CPNE1: variants seen among roughly 807,000 people sequenced by gnomAD.
CPNE1 encodes the protein copine-1.
A neutral mutation model predicts 63.2 loss-of-function variants in CPNE1; 58 were observed. The observed-to-expected ratio is 0.92, with a 90% CI of 0.74 to 1.14. The LOEUF (loss-of-function observed/expected upper bound fraction) is 1.14, where lower values mean the gene tolerates loss of function less well. Among genes scored for constraint, CPNE1 ranks in the 50% most tolerant of loss-of-function variants. The pLI is 0.00. For synonymous variants in CPNE1, 237 were observed against 249.0 expected, an observed-to-expected ratio of 0.95 and a Z score of 0.45; for missense variants, 672 against 661.7, an observed-to-expected ratio of 1.02 and a Z score of -0.17.
intron 1 of CPNE1, among the ~76,000 whole-genome samples, chr20:35,640,199 GGATT>G (rs2032727706): frequency 6.6e-6 from 1 of 151,974 alleles, no homozygotes. Context: ...ATAAACCACG[GGATT>G]ATTAATCTCT....
chr20:35,637,580 C>A (rs1204393390), intron 1 of CPNE1, among the ~76,000 whole-genome samples: 2 of 148,446 alleles, frequency 1.3e-5, no homozygotes, highest in African/African-American at 5.0e-5. Flanking sequence ...CCTTTATGAA[C>A]CCTTGCCTGT....
Position 35,627,336 on chromosome 20 carries a change from TGG to T in CPNE1, c.1178_1179del (p.Pro393HisfsTer29). The T allele has an allele frequency of 6.2e-7, 1 of 1,613,876 alleles. No individual in the cohort carries two copies. Among genetic ancestry groups the T allele is most frequent in the South Asian group, 1.1e-5 (1 of 91,070 alleles). On this transcript the variant is annotated frameshift_variant, in exon 14 of 16. Transcript: ENST00000397443. LOFTEE classifies it high-confidence loss of function. ...GCAAACCTGGCCACATGGTTGATGA[TGG>T]GTGCAAAGTTGGTAGGGCCATAGAG... ...VRLYGPTNFA[P>X]IINHVARFAA...
chr20:35,634,660 A>T (rs1219965918), intron 1 of CPNE1, among the ~76,000 whole-genome samples: 1 of 152,172 alleles, frequency 6.6e-6, no homozygotes, highest in Non-Finnish European at 1.5e-5. Context: ...GAAGGTCCAG[A>T]TTTCTTTAAC....
chr20:35,654,387 G>C (rs2033756670), intron 1 of CPNE1: 2 of 1,614,034 alleles, frequency 1.2e-6, no homozygotes, highest in Non-Finnish European at 1.7e-6. Flanking sequence ...TTGCAGAAAA[G>C]GGCATTCCAT....
chr20:35,643,173 ACCCCATTGATC>A (rs2032908470), intron 1 of CPNE1: 1 of 160,046 alleles, frequency 6.2e-6, no homozygotes, highest in African/African-American at 2.4e-5. Context: ...GACATCTGTC[ACCCCATTGATC>A]ACCAGGGTTG....
intron 1 of CPNE1, among the ~76,000 whole-genome samples, chr20:35,641,150 A>T (rs3787166): frequency 0.21 from 32,609 of 152,182 alleles, 3,638 homozygotes; most frequent in South Asian, 0.34. Flanking sequence ...CTTAAAATTC[A>T]CAAAATGTCA....
At position 35,631,286 on chromosome 20, in the gene CPNE1, G is replaced by T; in HGVS notation, c.783C>A (p.Ile261=). 2 of 1,614,180 alleles carry T rather than the reference G, an allele frequency of 1.2e-6. No individual in the cohort carries two copies. Among genetic ancestry groups the T allele is most frequent in the Non-Finnish European group, 1.7e-6 (2 of 1,180,020 alleles). The change falls in exon 9 of 16, where the codon ATC becomes ATA. Residue 261 remains isoleucine, a synonymous_variant. Coordinates refer to ENST00000397443, the MANE Select transcript of CPNE1 (RefSeq NM_152925.3). ...KKKSYKNSGT[I]RVKICRVETE... is the part of the protein sequence containing the mutation. ...GTCTCACCCGACAAATCTTGACACGGATAGTTCCAGAGTTCTTGTAGCTTT... is the reference window on the plus strand; with the variant it reads ...GTCTCACCCGACAAATCTTGACACGTATAGTTCCAGAGTTCTTGTAGCTTT...
chr20:35,654,853 G>A (rs1369598625), intron 1 of CPNE1: 8 of 1,614,080 alleles, frequency 5.0e-6, no homozygotes, highest in African/African-American at 1.3e-5. Flanking sequence ...TGGAGGAGCT[G>A]TTCCTACGCT....
chr20:35,657,706 C>T (rs2033980487), intron 1 of CPNE1, among the ~76,000 whole-genome samples: 1 of 152,172 alleles, frequency 6.6e-6, no homozygotes, highest in African/African-American at 2.4e-5. Context: ...AAGTGGAATA[C>T]AAGATTTATT....
chr20:35,663,859 A>C (rs1298127430), intron 1 of CPNE1, among the ~76,000 whole-genome samples: 1 of 152,132 alleles, frequency 6.6e-6, no homozygotes, highest in East Asian at 1.9e-4. Context: ...GTGGCTGCAA[A>C]CTAATGCAGC....
In CPNE1 at chr20:35,630,949, T is replaced by A. The variant is rs759461711; in HGVS notation, c.947A>T (p.Tyr316Phe). The A allele has an allele frequency of 6.2e-7, 1 of 1,613,774 alleles. No individual in the cohort carries two copies. The highest frequency in any genetic ancestry group is 1.1e-5 in the South Asian group (1 of 91,062). ...GCCCACACTCCACAGTGCCATCAGG[T>A]ACTCATTGACCCCTGTTGGACTCAG... The part of the protein sequence containing the change: ...HYLSPTGVNE[Y>F]LMALWSVGSV... The change falls in exon 11 of 16, where the codon TAC (tyrosine) becomes TTC (phenylalanine). Residue 316 changes from tyrosine (Y) to phenylalanine (F), a missense_variant. Coordinates refer to ENST00000397443, the MANE Select transcript of CPNE1 (RefSeq NM_152925.3).
intron 1 of CPNE1, chr20:35,653,292 C>A (rs2033665124): frequency 3.7e-6 from 6 of 1,613,384 alleles, no homozygotes; most frequent in Non-Finnish European, 5.1e-6. Flanking sequence ...CTGAACCAGG[C>A]AGTCCTGTGC....
intron 14 of CPNE1, 53 bp from the exon 15 acceptor site, chr20:35,626,856 C>T (rs1026256626): frequency 2.8e-6 from 4 of 1,412,374 alleles, no homozygotes; most frequent in Non-Finnish European, 3.0e-6. Flanking sequence ...TAAACCCCTG[C>T]AAACACCCCA....
intron 1 of CPNE1, among the ~76,000 whole-genome samples, chr20:35,636,803 G>C (rs2032510189): frequency 6.6e-6 from 1 of 152,074 alleles, no homozygotes; most frequent in Non-Finnish European, 1.5e-5. Context: ...GGAAGAGTAT[G>C]ACCATTTTTT....
intron 1 of CPNE1, among the ~76,000 whole-genome samples, chr20:35,661,359 C>A (rs2034222000): frequency 6.6e-6 from 1 of 152,150 alleles, no homozygotes; most frequent in Non-Finnish European, 1.5e-5. Context: ...TTTCAAAAAT[C>A]CACGCCATTT....
chr20:35,630,280 G>GC (rs1205647706), intron 13 of CPNE1, among the ~76,000 whole-genome samples, 159 bp downstream of exon 13: 1 of 152,184 alleles, frequency 6.6e-6, no homozygotes, highest in Non-Finnish European at 1.5e-5. Flanking sequence ...GGGTGACAGA[G>GC]CAAGACTCTT....
At chr20:35,629,522 G>C (rs749882735) in intron 13 of CPNE1, among the ~76,000 whole-genome samples, 3 of 151,948 alleles carry the variant, frequency 2.0e-5, no homozygotes, top group Admixed American at 6.6e-5. Context: ...ACCATTTTTC[G>C]GAGAACACTT....
chr20:35,638,158 T>C (rs1470095167), intron 1 of CPNE1, among the ~76,000 whole-genome samples: 1 of 152,224 alleles, frequency 6.6e-6, no homozygotes, highest in African/African-American at 2.4e-5. Context: ...GTACTTAGTA[T>C]ATAGCTGGTA....
rs544852809 is a variant in CPNE1, at chr20:35,627,491, G to C, written c.1103-78C>G. 21 of 1,459,774 alleles carry C rather than the reference G, an allele frequency of 1.4e-5. No individual in the cohort carries two copies. The South Asian group carries it at 2.4e-4, about 17-fold the overall frequency. 90.4% of individuals were successfully genotyped at this position (1,459,774 alleles called of 1,614,324 possible). Reference sequence around the variant, plus strand: ...CCAGTCCTGAAATCACCCCATCCCAGCCCAGGAGATCTCGGAACCTGGGTG... The same window carrying C: ...CCAGTCCTGAAATCACCCCATCCCACCCCAGGAGATCTCGGAACCTGGGTG... On this transcript the variant is annotated intron_variant, in intron 13 of 15. Transcript: ENST00000397443.
Sources: gnomAD v4.1 joint callset for allele counts (sites outside exome capture counted in the v4.1 genomes callset) on GRCh38, gnomAD v4.1.1 for gene constraint, MANE v1.5 for transcripts, NCBI Gene and HGNC (gene_info 2026-07-23, HGNC 2026-07-21) for gene names.